Variants in SNW1 observed in about 807,000 individuals in gnomAD.
SNW1 encodes the protein SNW domain containing 1.
A neutral mutation model predicts 75.6 loss-of-function variants in SNW1; 9 were observed. The observed-to-expected ratio is 0.12, with a 90% CI of 0.07 to 0.21. SNW1 has a LOEUF of 0.21. Ranked by LOEUF, SNW1 falls within the 10% of genes least tolerant of loss-of-function variation. The probability of loss-of-function intolerance (pLI) is 1.00; values close to 1 mark genes in which losing one functional copy is unlikely to be tolerated. For missense variants in SNW1, 409 were observed against 670.9 expected (o/e 0.61, Z 4.31); for synonymous variants, 200 against 219.1 (o/e 0.91, Z 0.77).
intron 3 of SNW1, among the ~76,000 whole-genome samples, chr14:77,742,506 ATATTT>A (rs1411613808): frequency 2.6e-5 from 4 of 152,204 alleles, no homozygotes; most frequent in Non-Finnish European, 5.9e-5. Flanking sequence ...TGTGAAACAG[ATATTT>A]TATTACAGAA....
rs1201306389 is a variant in SNW1 at position 77,723,167 on chromosome 14, TAAATA to T, written c.1130+9_1130+13del. 1.2e-6 allele frequency: 2 copies of T among 1,608,084 alleles called. No homozygotes were observed. Among genetic ancestry groups the T allele is most frequent in the African/African-American group, 1.3e-5 (1 of 74,926 alleles). Reference sequence around the variant, plus strand: ...CGGCCACCATGATTGGTACACATCTTAAATAACACCTACCTCTTATCAGGAGCTGC... The same window carrying T: ...CGGCCACCATGATTGGTACACATCTTACACCTACCTCTTATCAGGAGCTGC... On this transcript the variant is annotated intron_variant, in intron 11 of 13. Transcript: ENST00000261531.
chr14:77,758,224 A>G (rs1428839543), intron 1 of SNW1, among the ~76,000 whole-genome samples: 1 of 151,096 alleles, frequency 6.6e-6, no homozygotes, highest in African/African-American at 2.4e-5. Context: ...CAGCTGAGGC[A>G]GGAAAATCAC....
intron 1 of SNW1, among the ~76,000 whole-genome samples, chr14:77,755,438 A>G (rs956310096): frequency 2.6e-5 from 4 of 151,362 alleles, no homozygotes; most frequent in African/African-American, 9.7e-5. Context: ...TTTTTTTTTG[A>G]GAAAGAGTCT....
rs954002321 is a variant in SNW1, at chr14:77,751,194, C to G, written c.330+125G>C. On this transcript the variant is annotated intron_variant, in intron 3 of 13. Transcript: ENST00000261531. ...TCCCAAGTAGCTGGGAATATAGGTA[C>G]GAGCCACCATGCCCAGCCACTGCTA... The G allele has an allele frequency of 6.3e-6, 6 of 953,924 alleles. No individual in the cohort carries two copies. In the South Asian group the frequency reaches 1.0e-4, roughly 16 times the overall value. 59.1% of individuals were successfully genotyped at this position (953,924 alleles called of 1,614,324 possible).
At position 77,731,903 on chromosome 14, in the gene SNW1, T is replaced by A. The variant is rs1162275276; in HGVS notation, c.891+582A>T. Among the ~76,000 whole-genome samples the A allele has an allele frequency of 2.0e-5, 3 of 152,296 alleles. No homozygotes were observed. In the East Asian group the frequency reaches 5.8e-4, roughly 29 times the overall value. On this transcript the variant is annotated intron_variant, in intron 9 of 13. Coordinates refer to ENST00000261531, the MANE Select transcript of SNW1 (RefSeq NM_012245.3). ...ACAGGTGCATGCCACATCCAGCTAA[T>A]GTTTGTATTTTTAGTAGAGATGGAG...
intron 3 of SNW1, among the ~76,000 whole-genome samples, chr14:77,741,704 C>T (rs2080720323): frequency 6.6e-6 from 1 of 152,024 alleles, no homozygotes. Flanking sequence ...ATGGAAAAAC[C>T]TATACAACCC....
intron 3 of SNW1, among the ~76,000 whole-genome samples, chr14:77,743,014 T>C (rs147565756): frequency 0.014 from 2,105 of 151,668 alleles, 50 homozygotes; most frequent in African/African-American, 0.049. Context: ...TCACCTGAGG[T>C]TGGGAGTTGG....
intron 10 of SNW1, among the ~76,000 whole-genome samples, chr14:77,725,633 C>T (rs925730891): frequency 6.6e-6 from 1 of 152,192 alleles, no homozygotes; most frequent in Non-Finnish European, 1.5e-5. Flanking sequence ...AAAATCCACG[C>T]ATTGGCTGGG....
chr14:77,736,053 T>G (rs1363462371), intron 6 of SNW1, 47 bp from the exon 7 acceptor site: 1 of 1,362,856 alleles, frequency 7.3e-7, no homozygotes, highest in Non-Finnish European at 1.0e-6. Context: ...TTCCTCCCTT[T>G]TAGTCATCAT....
At position 77,755,022 on chromosome 14, in the gene SNW1, C is replaced by T. The variant is rs747405332; in HGVS notation, c.113G>A (p.Arg38Gln). 9.3e-6 allele frequency: 15 copies of T among 1,610,778 alleles called. No homozygotes were observed. The highest frequency in any genetic ancestry group is 1.2e-5 in the Non-Finnish European group (14 of 1,178,682). Residue 38 changes from arginine (R) to glutamine (Q), a missense_variant, in exon 2 of 14, where the codon CGA becomes CAA. Coordinates refer to ENST00000261531, the MANE Select transcript of SNW1 (RefSeq NM_012245.3). Reference protein sequence around the residue: ...RSRQTSLVSSRREPPPYGYRK... With the variant: ...RSRQTSLVSSQREPPPYGYRK... ...GTATCCGTACGGGGGAGGTTCTCTT[C>T]GGGAGGAGACCAGTGAGGTCTGCCG...
intron 10 of SNW1, 113 bp from the exon 11 acceptor site, chr14:77,723,390 C>A (rs2080559494): frequency 5.2e-6 from 4 of 773,422 alleles, no homozygotes; most frequent in Non-Finnish European, 6.6e-6. Flanking sequence ...CACTCTGTCA[C>A]CCAGGCTGGA....
At chr14:77,732,790 G>A (rs1175205225) in intron 8 of SNW1, among the ~76,000 whole-genome samples, 189 bp from the exon 9 acceptor site, 5 of 152,096 alleles carry the variant, frequency 3.3e-5, no homozygotes, top group African/African-American at 7.2e-5. Context: ...TCAGCCTCCC[G>A]AGTAGCTGGG....
chr14:77,735,728 A>G (rs1595081461), intron 7 of SNW1, among the ~76,000 whole-genome samples: 2 of 152,360 alleles, frequency 1.3e-5, no homozygotes, highest in East Asian at 3.9e-4. Context: ...CCATTCCATT[A>G]AAAGTAGGGT....
intron 11 of SNW1, 134 bp from the exon 12 acceptor site, chr14:77,720,962 T>G: frequency 1.5e-6 from 1 of 669,962 alleles, no homozygotes; most frequent in South Asian, 1.8e-5. Context: ...ATATATTCCT[T>G]GATGATACAT....
intron 12 of SNW1, among the ~76,000 whole-genome samples, chr14:77,719,657 C>CAAAA (rs71452871): frequency 2.0e-5 from 3 of 150,642 alleles, no homozygotes; most frequent in Non-Finnish European, 4.4e-5. Context: ...CAAAAACAAA[C>CAAAA]AAAAAAAACT....
rs1475532053 is a variant in SNW1, at chr14:77,732,614, C to A, written c.775-13G>T. The A allele has an allele frequency of 1.4e-6, 2 of 1,418,238 alleles. No homozygotes were observed. Among genetic ancestry groups the A allele is most frequent in the East Asian group, 4.6e-5 (2 of 43,842 alleles). The allele number at this position is 1,418,238 out of a possible 1,614,324, so 87.9% of individuals were successfully genotyped here. A position where few individuals can be genotyped will look rare whatever the true frequency, so the allele number is the denominator to read the frequency against. The stretch of plus-strand genomic sequence containing the variant: ...GAATTGTATAACCCTAGAGTGAAAG[C>A]AGACAGAAAACCCAGTCACAGAAGT... On this transcript the variant is annotated splice_polypyrimidine_tract_variant and intron_variant, in intron 8 of 13. Transcript: ENST00000261531.
At chr14:77,724,133 T>C (rs1595074755) in intron 10 of SNW1, among the ~76,000 whole-genome samples, 1 of 151,210 alleles carries the variant, frequency 6.6e-6, no homozygotes, top group South Asian at 2.1e-4. Context: ...GACAGACAGA[T>C]GGACAGAAAG....
At chr14:77,733,440 A>G (rs1339187151) in intron 8 of SNW1, among the ~76,000 whole-genome samples, 3 of 152,060 alleles carry the variant, frequency 2.0e-5, no homozygotes, top group African/African-American at 2.4e-5. Flanking sequence ...AGAATCCTGA[A>G]GTTTTAGTAA....
At chr14:77,731,155 A>G in intron 9 of SNW1, 26 bp from the exon 10 acceptor site, 1 of 1,610,460 alleles carries the variant, frequency 6.2e-7, no homozygotes, top group South Asian at 1.1e-5. Context: ...CATGTTAAAC[A>G]GGACACTATC....
Sources: allele counts gnomAD v4.1 joint callset (sites outside exome capture counted in the v4.1 genomes callset), GRCh38; gene constraint gnomAD v4.1.1; transcripts MANE v1.5; gene names NCBI Gene and HGNC (gene_info 2026-07-23, HGNC 2026-07-21).